Variants in MRPS10 observed in about 807,000 individuals in gnomAD.
MRPS10 encodes small ribosomal subunit protein uS10m.
Under a neutral mutation model 27.5 loss-of-function variants are expected in MRPS10, and 23 were observed. That is an observed-to-expected ratio of 0.84 (90% CI 0.60 to 1.18). The LOEUF (loss-of-function observed/expected upper bound fraction) is 1.18, where lower values mean the gene tolerates loss of function less well. MRPS10 is among the 50% of genes most tolerant of loss of function. The pLI, the probability that MRPS10 is intolerant of heterozygous loss-of-function variation, is 0.00. For missense variants in MRPS10, 237 were observed against 240.1 expected (o/e 0.99, Z 0.09); for synonymous variants, 88 against 84.2 (o/e 1.04, Z -0.25).
intron 4 of MRPS10, among the ~76,000 whole-genome samples, chr6:42,211,273 CT>C (rs1003754167): frequency 3.3e-5 from 5 of 152,250 alleles, no homozygotes; most frequent in African/African-American, 1.2e-4. Context: ...TTCACCTACT[CT>C]ACCTCCCTGC....
intron 3 of MRPS10, among the ~76,000 whole-genome samples, chr6:42,213,704 T>C (rs981025792): frequency 6.6e-6 from 1 of 152,352 alleles, no homozygotes; most frequent in Middle Eastern, 3.4e-3. Flanking sequence ...GTTTATTATT[T>C]GTGCTAACGC....
intron 1 of MRPS10, among the ~76,000 whole-genome samples, chr6:42,215,262 C>T (rs12204059): frequency 0.55 from 82,135 of 148,408 alleles, 24,273 homozygotes; most frequent in East Asian, 0.83. Flanking sequence ...GGTGGCGGTG[C>T]GGTTGTGATC....
At chr6:42,216,620 G>C (rs1768949714) in intron 1 of MRPS10, among the ~76,000 whole-genome samples, 1 of 151,550 alleles carries the variant, frequency 6.6e-6, no homozygotes, top group Non-Finnish European at 1.5e-5. Flanking sequence ...AGACCAGCCT[G>C]ACCGACATGG....
chr6:42,213,313 G>A (rs1166375049), intron 3 of MRPS10, among the ~76,000 whole-genome samples: 1 of 152,166 alleles, frequency 6.6e-6, no homozygotes, highest in Non-Finnish European at 1.5e-5. Flanking sequence ...GCCAGGCATG[G>A]TGGTGTGTGC....
Position 42,208,316 on chromosome 6 carries a change from T to C in MRPS10, c.579A>G (p.Ser193=). Residue 193 remains serine, a synonymous_variant, in exon 7 of 7, where the codon TCA becomes TCG. Coordinates refer to ENST00000053468, the MANE Select transcript of MRPS10 (RefSeq NM_018141.4). ...ATGACTTGCTTTCTTCTTTTTCTTCTGATAGTGTTTCCCAGATTGGCTCCT... is the reference window on the plus strand; with the variant it reads ...ATGACTTGCTTTCTTCTTTTTCTTCCGATAGTGTTTCCCAGATTGGCTCCT... ...HIKEPIWETL[S]EEKEESKS is the part of the protein sequence containing the mutation. 2 of 1,613,164 alleles carry C rather than the reference T, an allele frequency of 1.2e-6. No homozygotes were observed.
intron 3 of MRPS10, 68 bp downstream of exon 3, chr6:42,214,052 C>T: frequency 7.3e-7 from 1 of 1,361,190 alleles, no homozygotes; most frequent in African/African-American, 1.5e-5. Context: ...GAAAAAAAAC[C>T]CAATGAAATA....
At chr6:42,209,809 C>T (rs951504643) in intron 5 of MRPS10, among the ~76,000 whole-genome samples, 4 of 149,230 alleles carry the variant, frequency 2.7e-5, no homozygotes, top group Admixed American at 6.7e-5. Flanking sequence ...TATATTTGTG[C>T]CCTCAATGAC....
At chr6:42,210,743 A>T in intron 4 of MRPS10, 147 bp from the exon 5 acceptor site, 2 of 1,204,106 alleles carry the variant, frequency 1.7e-6, no homozygotes, top group South Asian at 2.9e-5. Flanking sequence ...TGGAACAACA[A>T]CTGCTATCAT....
intron 4 of MRPS10, 58 bp from the exon 5 acceptor site, chr6:42,210,654 T>C: frequency 6.3e-7 from 1 of 1,575,814 alleles, no homozygotes; most frequent in Non-Finnish European, 8.6e-7. Context: ...CATAATTCCA[T>C]AATTTTGTAG....
rs143791397 is a variant in MRPS10, at chr6:42,217,831, A to C, written c.19T>G (p.Phe7Val). ...CAGAGGCGCCGGCACACAGCACCGA[A>C]CGCTGTCCGCGCCGCCATCTTGCCG... MAARTAFGAVCRRLWQG... is the reference protein window; with the variant it reads MAARTAVGAVCRRLWQG... Residue 7 changes from phenylalanine (F) to valine (V), a missense_variant, in exon 1 of 7, where the codon TTC becomes GTC. Transcript: ENST00000053468. 8.9e-4 allele frequency: 1,432 copies of C among 1,614,038 alleles called. 16 individuals are homozygous for C. In the African/African-American group the frequency reaches 0.017, roughly 19 times the overall value.
intron 1 of MRPS10, 119 bp downstream of exon 1, chr6:42,217,683 G>T: frequency 1.0e-6 from 1 of 999,532 alleles, no homozygotes; most frequent in Non-Finnish European, 1.5e-6. Flanking sequence ...TCCTGTAAAC[G>T]GCGCGAGGTG....
In MRPS10 at chr6:42,209,747, CAAAAAAAAAAA is replaced by C. The variant is rs60179760; in HGVS notation, c.432+730_432+740del. Reference sequence around the variant, plus strand: ...GTGGTGACAGAGTGAGACTCTATCTCAAAAAAAAAAAAAAAAAAAAAAAAAAAAAAGAGTAG... The same window carrying C: ...GTGGTGACAGAGTGAGACTCTATCTCAAAAAAAAAAAAAAAAAAAGAGTAG... On this transcript the variant is annotated intron_variant, in intron 5 of 6. Transcript: ENST00000053468. Among the ~76,000 whole-genome samples the C allele has an allele frequency of 2.3e-3, 137 of 58,648 alleles. 1 individual carries two copies. The highest frequency in any genetic ancestry group is 9.4e-3 in the African/African-American group (128 of 13,650). 38.5% of individuals were successfully genotyped at this position (58,648 alleles called of 152,430 possible).
In MRPS10 at chr6:42,214,326, C is replaced by A; in HGVS notation, c.67G>T (p.Val23Leu). Residue 23 changes from valine to leucine, a missense_variant, in exon 2 of 7, where the codon GTA becomes TTA. By Grantham distance (32) the Val-to-Leu change is conservative. Coordinates refer to ENST00000053468, the MANE Select transcript of MRPS10 (RefSeq NM_018141.4). ...RLWQGLGNFS[V>L]NTSKGNTAKN... ...GCTGTATTGCCCTTAGAAGTGTTTA[C>A]AGAAAAATTCCCCAATCCCTAAAGA... is the stretch of plus-strand genomic sequence containing the variant. 6.2e-7 allele frequency: 1 copy of A among 1,609,282 alleles called. No individual in the cohort carries two copies.
intron 4 of MRPS10, among the ~76,000 whole-genome samples, chr6:42,211,432 G>C (rs1323020381): frequency 6.6e-6 from 1 of 152,156 alleles, no homozygotes; most frequent in Non-Finnish European, 1.5e-5. Flanking sequence ...TGTAATCCCA[G>C]CACTTTGGGA....
intron 3 of MRPS10, among the ~76,000 whole-genome samples, chr6:42,213,311 T>C (rs139849331): frequency 4.6e-5 from 7 of 152,232 alleles, no homozygotes; most frequent in African/African-American, 1.7e-4. Flanking sequence ...TAGCCAGGCA[T>C]GGTGGTGTGT....
At chr6:42,215,149 G>A (rs1768886755) in intron 1 of MRPS10, among the ~76,000 whole-genome samples, 1 of 152,032 alleles carries the variant, frequency 6.6e-6, no homozygotes, top group African/African-American at 2.4e-5. Context: ...AGCACTTTGG[G>A]AGGCCAAGGT....
chr6:42,216,022 TTTTC>T (rs1305997822), intron 1 of MRPS10, among the ~76,000 whole-genome samples: 1,703 of 24,368 alleles, frequency 0.07, 37 homozygotes, highest in African/African-American at 0.13. Flanking sequence ...TTTTTTTTTC[TTTTC>T]TTTTTTTTTT....
At position 42,215,525 on chromosome 6, in the gene MRPS10, C is replaced by A. The variant is rs1314455792; in HGVS notation, c.49-1181G>T. ...GATCATGGCCTGGACCTCCCAGGTT[C>A]AGGTGGTCCTCCCACCCCAGTCTCC... On this transcript the variant is annotated intron_variant, in intron 1 of 6. Transcript: ENST00000053468. Among the ~76,000 whole-genome samples, 4 of 152,138 alleles carry A rather than the reference C, an allele frequency of 2.6e-5. No homozygotes were observed. In the East Asian group the frequency reaches 5.8e-4, roughly 22 times the overall value.
chr6:42,216,385 A>AGTGT (rs1225590522), intron 1 of MRPS10, among the ~76,000 whole-genome samples: 46 of 58,692 alleles, frequency 7.8e-4, no homozygotes, highest in African/African-American at 1.3e-3. Context: ...AGAGAGAGAG[A>AGTGT]GTGTGTGTGT....
Sources: gnomAD v4.1 joint callset for allele counts (sites outside exome capture counted in the v4.1 genomes callset) on GRCh38, gnomAD v4.1.1 for gene constraint, MANE v1.5 for transcripts, NCBI Gene and HGNC (gene_info 2026-07-23, HGNC 2026-07-21) for gene names.